The following ABCB4 variants were observed in gnomAD, a reference collection of about 807,000 sequenced individuals.
ABCB4 encodes phosphatidylcholine translocator ABCB4.
ABCB4 carries 76 observed loss-of-function variants against 145.7 expected under a neutral mutation model. The observed-to-expected ratio is 0.52, with a 90% CI of 0.43 to 0.63. ABCB4 has a LOEUF of 0.63. Among genes scored for constraint, ABCB4 ranks in the 30% least tolerant of loss-of-function variants. The pLI, the probability that ABCB4 is intolerant of heterozygous loss-of-function variation, is 0.00. For synonymous variants in ABCB4, 517 were observed against 566.8 expected (o/e 0.91, Z 1.25); for missense variants, 1,234 against 1,553.1 (o/e 0.79, Z 3.45).
intron 26 of ABCB4, among the ~76,000 whole-genome samples, chr7:87,403,683 T>C (rs1807970405): frequency 6.6e-6 from 1 of 152,208 alleles, no homozygotes; most frequent in Admixed American, 6.5e-5. Flanking sequence ...TGTTGCACTA[T>C]GATATTATGA....
chr7:87,372,989 A>G, the ABCB4 span, among the ~76,000 whole-genome samples: 1 of 151,994 alleles, frequency 6.6e-6, no homozygotes. Flanking sequence ...TCTTGGGTAT[A>G]TTTTAGGGGT....
chr7:87,465,302 C>A (rs537705934), intron 3 of ABCB4, among the ~76,000 whole-genome samples: 1 of 152,342 alleles, frequency 6.6e-6, no homozygotes, highest in South Asian at 2.1e-4. Flanking sequence ...TGAAATCAAT[C>A]TGCAAGGTGG....
intron 10 of ABCB4, 89 bp from the exon 11 acceptor site, chr7:87,443,862 G>A: frequency 1.0e-6 from 1 of 964,068 alleles, no homozygotes; most frequent in Non-Finnish European, 1.6e-6. Flanking sequence ...TCCAAAAATA[G>A]GACCTGGAAT....
At chr7:87,442,253 T>C (rs1811040439) in intron 12 of ABCB4, among the ~76,000 whole-genome samples, 1 of 152,088 alleles carries the variant, frequency 6.6e-6, no homozygotes, top group Admixed American at 6.5e-5. Context: ...CCCATAGTAA[T>C]ATCAGATTTT....
intron 23 of ABCB4, among the ~76,000 whole-genome samples, chr7:87,410,042 G>A (rs528719542): frequency 6.6e-6 from 1 of 152,094 alleles, no homozygotes; most frequent in South Asian, 2.1e-4. Flanking sequence ...CTGTATTAAC[G>A]AACATGCATA....
the ABCB4 span, among the ~76,000 whole-genome samples, chr7:87,365,973 A>G: frequency 5.3e-5 from 8 of 151,978 alleles, no homozygotes; most frequent in African/African-American, 1.4e-4. Flanking sequence ...CATACCTTTC[A>G]TCCCTGTTTA....
the ABCB4 span, chr7:87,377,320 TTAA>T: frequency 1.4e-6 from 2 of 1,439,208 alleles, no homozygotes; most frequent in South Asian, 2.4e-5. Context: ...TTAAACCCTT[TTAA>T]TTTGGAAAAA....
chr7:87,381,769 A>G, the ABCB4 span: 1 of 573,714 alleles, frequency 1.7e-6, no homozygotes, highest in South Asian at 2.6e-5. Flanking sequence ...CTTCTATCTT[A>G]TCATATCCTC....
the ABCB4 span, among the ~76,000 whole-genome samples, chr7:87,373,956 A>G: frequency 1.3e-5 from 2 of 152,112 alleles, no homozygotes; most frequent in African/African-American, 4.8e-5. Context: ...AATGAGGAAA[A>G]TTAGACTTAA....
At chr7:87,434,475 C>T (rs750112096) in intron 14 of ABCB4, among the ~76,000 whole-genome samples, 22 of 152,092 alleles carry the variant, frequency 1.4e-4, no homozygotes, top group South Asian at 6.2e-4. Flanking sequence ...TAGGGCCGGG[C>T]GCGGTGGCTC....
chr7:87,424,067 C>T lies in ABCB4; in HGVS notation c.2065-15G>A, dbSNP rs1294645635. On this transcript the variant is annotated splice_polypyrimidine_tract_variant and intron_variant, in intron 16 of 27. Coordinates refer to ENST00000649586, the MANE Select transcript of ABCB4 (RefSeq NM_000443.4). ...ACATTTGCTTCCTAGAACATATAAA[C>T]ATCAGGGCAAACTGGTGATGACACA... 6.2e-7 allele frequency: 1 copy of T among 1,613,880 alleles called. No homozygotes were observed. The highest frequency in any genetic ancestry group is 1.1e-5 in the South Asian group (1 of 91,080).
chr7:87,471,047 G>A (rs1020216086), intron 3 of ABCB4, among the ~76,000 whole-genome samples: 1 of 152,142 alleles, frequency 6.6e-6, no homozygotes, highest in African/African-American at 2.4e-5. Flanking sequence ...CATAAAAAAT[G>A]ATGAGTTCAT....
intron 16 of ABCB4, among the ~76,000 whole-genome samples, chr7:87,426,323 T>C (rs566653394): frequency 2.0e-5 from 3 of 152,290 alleles, no homozygotes; most frequent in African/African-American, 7.2e-5. Context: ...CTCTAAGATT[T>C]TGGCATGTGA....
At chr7:87,439,871 A>T (rs190128558) in intron 13 of ABCB4, 34 bp from the exon 14 acceptor site, 15 of 1,614,040 alleles carry the variant, frequency 9.3e-6, no homozygotes, top group Non-Finnish European at 1.3e-5. Context: ...CTCTTGAAGT[A>T]ACTTAAATTT....
chr7:87,434,490 C>G (rs1584731416), intron 14 of ABCB4, among the ~76,000 whole-genome samples: 1 of 152,010 alleles, frequency 6.6e-6, no homozygotes, highest in Admixed American at 6.6e-5. Context: ...TGGCTCACAC[C>G]TGTAATCCCA....
At chr7:87,461,194 C>A (rs537031347) in intron 4 of ABCB4, among the ~76,000 whole-genome samples, 1 of 152,184 alleles carries the variant, frequency 6.6e-6, no homozygotes, top group Non-Finnish European at 1.5e-5. Context: ...TTAATTGCCA[C>A]CACCTTGGCC....
At chr7:87,396,909 T>C (rs1000934366), downstream of ABCB4, among the ~76,000 whole-genome samples, 1 of 152,222 alleles carries the variant, frequency 6.6e-6, no homozygotes, top group Admixed American at 6.5e-5. Flanking sequence ...TTGAGATATT[T>C]TGATGGTTGT....
intron 19 of ABCB4, 26 bp from the exon 20 acceptor site, chr7:87,418,646 T>G: frequency 6.2e-7 from 1 of 1,602,470 alleles, no homozygotes; most frequent in Non-Finnish European, 8.6e-7. Context: ...CACGTTTATG[T>G]TAGTTCAAAA....
chr7:87,433,936 C>CT (rs113879800), intron 14 of ABCB4, among the ~76,000 whole-genome samples: 2,194 of 141,664 alleles, frequency 0.015, 50 homozygotes, highest in African/African-American at 0.051. Flanking sequence ...CGTTTTCATT[C>CT]TTTTTTTTTT....
Sources: allele counts gnomAD v4.1 joint callset (sites outside exome capture counted in the v4.1 genomes callset), GRCh38; gene constraint gnomAD v4.1.1; transcripts MANE v1.5; gene names NCBI Gene and HGNC (gene_info 2026-07-23, HGNC 2026-07-21).